TAFA5: variants seen among roughly 807,000 people sequenced by gnomAD.
The protein encoded by TAFA5 is TAFA chemokine like family member 5, also known as chemokine-like protein TAFA-5.
In TAFA5, 6 loss-of-function variants were observed where a neutral mutation model predicts 15.3. The observed-to-expected ratio is 0.39, with a 90% CI of 0.21 to 0.77. The LOEUF is 0.77. Ranked by LOEUF, TAFA5 falls within the 30% of genes least tolerant of loss-of-function variation. The pLI is 0.41. For synonymous variants in TAFA5, 103 were observed against 80.7 expected, an observed-to-expected ratio of 1.28 and a Z score of -1.48; for missense variants, 161 against 193.1, an observed-to-expected ratio of 0.83 and a Z score of 0.98.
At chr22:48,544,341 G>A (rs1016239994) in intron 1 of TAFA5, 3 of 283,216 alleles carry the variant, frequency 1.1e-5, no homozygotes, top group Non-Finnish European at 2.1e-5. Context: ...ATGGGAGGAG[G>A]CTGCACAGGG....
At chr22:48,575,243 C>T (rs1923724489) in intron 1 of TAFA5, among the ~76,000 whole-genome samples, 2 of 152,138 alleles carry the variant, frequency 1.3e-5, no homozygotes, top group African/African-American at 4.8e-5. Context: ...CCCCTGCGCA[C>T]CTAGGTGGAG....
At chr22:48,625,281 A>G (rs1187911026) in intron 1 of TAFA5, among the ~76,000 whole-genome samples, 1 of 152,194 alleles carries the variant, frequency 6.6e-6, no homozygotes, top group Non-Finnish European at 1.5e-5. Flanking sequence ...CCATGAATAC[A>G]CCGTGTGTAA....
chr22:48,696,345 C>T (rs569868991), intron 2 of TAFA5, among the ~76,000 whole-genome samples: 12 of 152,332 alleles, frequency 7.9e-5, no homozygotes, highest in African/African-American at 2.2e-4. Flanking sequence ...ACTCTTCCCT[C>T]TTTTCTCACT....
chr22:48,684,434 G>A (rs2147232798), intron 2 of TAFA5, among the ~76,000 whole-genome samples: 1 of 152,258 alleles, frequency 6.6e-6, no homozygotes, highest in East Asian at 1.9e-4. Flanking sequence ...GTCCCATAAA[G>A]CCTCCACATC....
intron 3 of TAFA5, among the ~76,000 whole-genome samples, chr22:48,715,367 A>G (rs1308058794): frequency 6.6e-6 from 1 of 152,228 alleles, no homozygotes; most frequent in Non-Finnish European, 1.5e-5. Flanking sequence ...TCATCGAGAC[A>G]GCAGAGGAAG....
intron 2 of TAFA5, among the ~76,000 whole-genome samples, chr22:48,668,968 G>A (rs1927714963): frequency 6.6e-6 from 1 of 152,216 alleles, no homozygotes; most frequent in Non-Finnish European, 1.5e-5. Flanking sequence ...AGATTCATGT[G>A]TTGAAATCCT....
rs79898491 is a variant in TAFA5, at chr22:48,572,357, G to T, written c.113-74240G>T. On this transcript the variant is annotated intron_variant, in intron 1 of 3. Transcript: ENST00000402357. The stretch of plus-strand genomic sequence containing the variant: ...ACTGTATTCCCTGGGAATGAGCAAG[G>T]TGTGTAGACAGATGGGCCACCCTGG... Among the ~76,000 whole-genome samples the T allele has an allele frequency of 3.9e-3, 595 of 152,348 alleles. 2 individuals carry two copies. Among genetic ancestry groups the T allele is most frequent in the African/African-American group, 0.013 (561 of 41,586 alleles).
rs151280088 is a variant in TAFA5 at position 48,548,023 on chromosome 22, CG to C, written c.112+58320del. ...TTGTGTGATGTGTTCTTCCTGCCTG[CG>C]TCTTCGGAGGTCCCAGGAGTGAGGA... is the stretch of plus-strand genomic sequence containing the variant. On this transcript the variant is annotated intron_variant, in intron 1 of 3. Coordinates refer to ENST00000402357, the MANE Select transcript of TAFA5 (RefSeq NM_001082967.3). Among the ~76,000 whole-genome samples the C allele has an allele frequency of 3.8e-3, 577 of 152,326 alleles. 5 individuals carry two copies. Among genetic ancestry groups the C allele is most frequent in the Non-Finnish European group, 6.5e-3 (440 of 68,022 alleles).
At chr22:48,534,603 A>G (rs1315525351) in intron 1 of TAFA5, among the ~76,000 whole-genome samples, 1 of 152,142 alleles carries the variant, frequency 6.6e-6, no homozygotes, top group Non-Finnish European at 1.5e-5. Flanking sequence ...GGAGCCAAGC[A>G]GCTCCTCCTC....
intron 1 of TAFA5, among the ~76,000 whole-genome samples, chr22:48,557,612 C>T (rs1329606517): frequency 2.0e-5 from 3 of 152,342 alleles, no homozygotes; most frequent in African/African-American, 7.2e-5. Flanking sequence ...ATTGCAGGCA[C>T]TCCACTGAAA....
At chr22:48,670,627 A>G (rs1230702463) in intron 2 of TAFA5, among the ~76,000 whole-genome samples, 1 of 152,264 alleles carries the variant, frequency 6.6e-6, no homozygotes, top group Non-Finnish European at 1.5e-5. Flanking sequence ...GCAGGGTCGA[A>G]CCCAAGGTCA....
chr22:48,557,494 G>A (rs988726817), intron 1 of TAFA5, among the ~76,000 whole-genome samples: 5 of 152,196 alleles, frequency 3.3e-5, no homozygotes, highest in African/African-American at 9.6e-5. Flanking sequence ...CACCTGTGCC[G>A]TTCTGTTCTG....
At chr22:48,576,396 G>A in intron 1 of TAFA5, 1 of 1,233,064 alleles carries the variant, frequency 8.1e-7, no homozygotes, top group Non-Finnish European at 1.0e-6. Flanking sequence ...GGCGGCCGCG[G>A]AGGCTGCACC....
chr22:48,579,157 T>G (rs1035748945), intron 1 of TAFA5, among the ~76,000 whole-genome samples: 1 of 151,960 alleles, frequency 6.6e-6, no homozygotes, highest in African/African-American at 2.4e-5. Context: ...GGTCTTCCAG[T>G]GTTTGTGGAG....
intron 1 of TAFA5, among the ~76,000 whole-genome samples, chr22:48,577,542 G>A (rs779919630): frequency 3.9e-5 from 6 of 152,228 alleles, no homozygotes; most frequent in Non-Finnish European, 7.3e-5. Context: ...GCTGAGCACC[G>A]GAGGGCGCCT....
intron 1 of TAFA5, among the ~76,000 whole-genome samples, chr22:48,574,167 T>C (rs1239792160): frequency 1.3e-5 from 2 of 152,172 alleles, no homozygotes; most frequent in African/African-American, 2.4e-5. Context: ...GCAGAGAGAA[T>C]GGCTAGTCCC....
chr22:48,656,693 A>G (rs1927255467), intron 2 of TAFA5, among the ~76,000 whole-genome samples: 1 of 143,118 alleles, frequency 7.0e-6, no homozygotes, highest in African/African-American at 2.6e-5. Flanking sequence ...AATTACCAAA[A>G]GTTCTTTTTT....
chr22:48,686,899 A>AATGGATGGATGGATGG (rs55750601), intron 2 of TAFA5, among the ~76,000 whole-genome samples: 5 of 136,246 alleles, frequency 3.7e-5, no homozygotes, highest in African/African-American at 1.4e-4. Flanking sequence ...TTGATGGTTG[A>AATGGATGGATGGATGG]ATGGATGGAT....
chr22:48,657,461 T>G (rs901262282), intron 2 of TAFA5, among the ~76,000 whole-genome samples: 5 of 152,118 alleles, frequency 3.3e-5, no homozygotes, highest in Non-Finnish European at 7.4e-5. Flanking sequence ...AAAGAAAAAT[T>G]AACACTGGAT....
Sources: gnomAD v4.1 joint callset for allele counts (sites outside exome capture counted in the v4.1 genomes callset) on GRCh38, gnomAD v4.1.1 for gene constraint, MANE v1.5 for transcripts, NCBI Gene and HGNC (gene_info 2026-07-23, HGNC 2026-07-21) for gene names.